Variants in PSMA1 observed in about 807,000 individuals in gnomAD.
PSMA1 encodes the protein proteasome 20S subunit alpha 1.
Under a neutral mutation model 38.4 loss-of-function variants are expected in PSMA1, and 3 were observed. That is an observed-to-expected ratio of 0.08 (90% CI 0.04 to 0.20). The LOEUF (loss-of-function observed/expected upper bound fraction) is 0.20. PSMA1 is among the 10% of genes least tolerant of loss of function. The pLI is 1.00. For synonymous variants in PSMA1, 101 were observed against 107.1 expected (o/e 0.94, Z 0.35); for missense variants, 227 against 325.3 (o/e 0.70, Z 2.32).
In PSMA1 at chr11:14,537,362, GT is replaced by G. The variant is rs1293212136; in HGVS notation, c.22-18322del. 2.6e-5 allele frequency among the ~76,000 whole-genome samples: 4 copies of G among 152,164 alleles called. No individual in the cohort carries two copies. The East Asian group carries it at 7.7e-4, about 29-fold the overall frequency. Reference sequence around the variant, plus strand: ...TTAAGGATAATATTCTTTTATTCCTGTTTTGTCCAAGTGAATTTACATTCAC... The same window carrying G: ...TTAAGGATAATATTCTTTTATTCCTGTTTGTCCAAGTGAATTTACATTCAC... On this transcript the variant is annotated intron_variant, in intron 2 of 10. Coordinates refer to the PSMA1 transcript ENST00000418988.
chr11:14,555,394 T>A (rs964649891), intron 2 of PSMA1, among the ~76,000 whole-genome samples: 11 of 152,096 alleles, frequency 7.2e-5, no homozygotes, highest in Admixed American at 4.6e-4. Flanking sequence ...CTCTTTAAAA[T>A]TTTTTTTGCT....
chr11:14,637,822 T>C (rs529153336), intron 1 of PSMA1, among the ~76,000 whole-genome samples: 4 of 152,192 alleles, frequency 2.6e-5, no homozygotes, highest in Admixed American at 2.0e-4. Flanking sequence ...CTTGATTGTA[T>C]AGTAAAAAGG....
At chr11:14,546,144 CTCTCTCTTTT>C in intron 2 of PSMA1, among the ~76,000 whole-genome samples, 1 of 149,076 alleles carries the variant, frequency 6.7e-6, no homozygotes, top group East Asian at 2.3e-4. Context: ...CTCTCTCTCT[CTCTCTCTTTT>C]TTTTTTTTTT....
intron 2 of PSMA1, among the ~76,000 whole-genome samples, chr11:14,532,867 G>A (rs1851663573): frequency 6.6e-6 from 1 of 151,702 alleles, no homozygotes; most frequent in Non-Finnish European, 1.5e-5. Flanking sequence ...ACTCCAGCCT[G>A]GGTGACAGAG....
chr11:14,619,527 G>A (rs1205829758), intron 1 of PSMA1, among the ~76,000 whole-genome samples: 1 of 152,084 alleles, frequency 6.6e-6, no homozygotes, highest in Non-Finnish European at 1.5e-5. Context: ...TTAAACCTAG[G>A]GTGACTCAGC....
At chr11:14,521,379 C>A (rs966844289), upstream of PSMA1, among the ~76,000 whole-genome samples, 3 of 151,158 alleles carry the variant, frequency 2.0e-5, no homozygotes, top group African/African-American at 7.3e-5. Flanking sequence ...GTGGTCCCAG[C>A]CACTCGGGAA....
intron 2 of PSMA1, among the ~76,000 whole-genome samples, chr11:14,527,226 A>G (rs1851597584): frequency 6.6e-6 from 1 of 152,208 alleles, no homozygotes; most frequent in Non-Finnish European, 1.5e-5. Context: ...TAGCTAAAGA[A>G]GCAGCTAGAA....
chr11:14,585,614 G>A (rs1434125809), intron 2 of PSMA1, among the ~76,000 whole-genome samples: 2 of 152,102 alleles, frequency 1.3e-5, no homozygotes, highest in African/African-American at 2.4e-5. Flanking sequence ...CACCCATTCC[G>A]ACACAGAAAG....
chr11:14,543,706 C>G (rs1415668770), intron 2 of PSMA1, among the ~76,000 whole-genome samples: 1 of 152,122 alleles, frequency 6.6e-6, no homozygotes, highest in Non-Finnish European at 1.5e-5. Context: ...AAAGTCCTTA[C>G]CAGGTATTTG....
In PSMA1 at chr11:14,550,459, T is replaced by TA. The variant is rs1457422610; in HGVS notation, c.22-31419dup. Among the ~76,000 whole-genome samples the TA allele has an allele frequency of 2.6e-5, 4 of 152,200 alleles. No individual in the cohort carries two copies. The East Asian group carries it at 7.7e-4, about 29-fold the overall frequency. ...CAGCAAATCTATTTATCTTGATAGA[T>TA]AAAGTTATTACAAAATCACTCATAA... is the stretch of plus-strand genomic sequence containing the variant. On this transcript the variant is annotated intron_variant, in intron 2 of 10. Transcript: ENST00000418988.
chr11:14,629,617 G>T (rs1852971594), intron 1 of PSMA1, among the ~76,000 whole-genome samples: 1 of 152,138 alleles, frequency 6.6e-6, no homozygotes, highest in Non-Finnish European at 1.5e-5. Flanking sequence ...CTCCAGCTTT[G>T]TTCTTTTGGC....
chr11:14,509,989 C>A (rs1235946867), intron 8 of PSMA1, among the ~76,000 whole-genome samples: 1 of 149,164 alleles, frequency 6.7e-6, no homozygotes, highest in African/African-American at 2.5e-5. Context: ...TCCCAAAGTG[C>A]TGGGATTACA....
At chr11:14,509,764 G>C (rs1851312109) in intron 8 of PSMA1, among the ~76,000 whole-genome samples, 2 of 146,470 alleles carry the variant, frequency 1.4e-5, no homozygotes, top group Non-Finnish European at 3.0e-5. Flanking sequence ...GCCCAGGCTG[G>C]ACAGGCTGGA....
chr11:14,527,119 G>A (rs943779689), intron 2 of PSMA1, among the ~76,000 whole-genome samples: 3 of 152,048 alleles, frequency 2.0e-5, no homozygotes, highest in Admixed American at 6.6e-5. Context: ...TCTTCTCAAG[G>A]CCGCTTTACT....
At chr11:14,631,872 T>C (rs1300774680) in intron 1 of PSMA1, among the ~76,000 whole-genome samples, 1 of 149,764 alleles carries the variant, frequency 6.7e-6, no homozygotes. Flanking sequence ...CATATATATT[T>C]AGGATAGTTA....
chr11:14,637,355 T>TA (rs1177130390), intron 1 of PSMA1, among the ~76,000 whole-genome samples: 1 of 152,242 alleles, frequency 6.6e-6, no homozygotes, highest in East Asian at 1.9e-4. Flanking sequence ...CTACTCCATG[T>TA]CCTATCACTG....
intron 1 of PSMA1, among the ~76,000 whole-genome samples, chr11:14,631,376 C>T (rs542828212): frequency 1.3e-5 from 2 of 152,102 alleles, no homozygotes; most frequent in East Asian, 1.9e-4. Context: ...TCTTTGTTCT[C>T]GTTGGTTTCA....
At chr11:14,508,437 C>T (rs1327095286) in intron 8 of PSMA1, among the ~76,000 whole-genome samples, 2 of 151,870 alleles carry the variant, frequency 1.3e-5, no homozygotes, top group East Asian at 3.9e-4. Context: ...TATTTTTCCT[C>T]ATAAATGCTT....
At chr11:14,611,160 C>G in intron 1 of PSMA1, 1 of 600,180 alleles carries the variant, frequency 1.7e-6, no homozygotes, top group Non-Finnish European at 3.0e-6. Flanking sequence ...ACCTGAAAGA[C>G]AATGGAGAAG....
Sources: gnomAD v4.1 joint callset for allele counts (sites outside exome capture counted in the v4.1 genomes callset) on GRCh38, gnomAD v4.1.1 for gene constraint, MANE v1.5 for transcripts, NCBI Gene and HGNC (gene_info 2026-07-23, HGNC 2026-07-21) for gene names.